Variants in AGO3 observed in about 807,000 individuals in gnomAD.
The protein encoded by AGO3 is protein argonaute-3.
In AGO3, 16 loss-of-function variants were observed where a neutral mutation model predicts 105.5. The ratio of observed to expected loss-of-function variants is 0.15; its 90% CI spans 0.10 to 0.23. The LOEUF (loss-of-function observed/expected upper bound fraction) is 0.23. AGO3 is among the 10% of genes least tolerant of loss of function. AGO3 has a pLI of 1.00. For missense variants in AGO3, 534 were observed against 1,088.0 expected, an observed-to-expected ratio of 0.49 and a Z score of 7.16; for synonymous variants, 340 against 367.3, an observed-to-expected ratio of 0.93 and a Z score of 0.85.
chr1:36,050,951 C>G (rs117965072), intron 17 of AGO3, among the ~76,000 whole-genome samples: 1 of 152,032 alleles, frequency 6.6e-6, no homozygotes, highest in Non-Finnish European at 1.5e-5. Context: ...ATCAGCCTCC[C>G]GAGTAGCTAG....
At chr1:35,974,363 A>G (rs959770088) in intron 5 of AGO3, among the ~76,000 whole-genome samples, 1 of 151,758 alleles carries the variant, frequency 6.6e-6, no homozygotes, top group African/African-American at 2.4e-5. Context: ...CTGTTTTCTT[A>G]TTTCTTTATG....
At chr1:36,029,426 G>A (rs1165775963) in intron 12 of AGO3, among the ~76,000 whole-genome samples, 8 of 127,882 alleles carry the variant, frequency 6.3e-5, no homozygotes, top group Middle Eastern at 4.9e-3. Context: ...AGAGAGTCTC[G>A]CTCTGTCGCC....
At chr1:36,003,709 AATATATAT>A (rs1235994406) in intron 5 of AGO3, among the ~76,000 whole-genome samples, 99 of 99,428 alleles carry the variant, frequency 1.0e-3, no homozygotes, top group Middle Eastern at 0.011. Flanking sequence ...AAAAAAAAAA[AATATATAT>A]ATATATATAT....
intron 14 of AGO3, 109 bp downstream of exon 14, chr1:36,036,376 G>T: frequency 9.6e-7 from 1 of 1,046,904 alleles, no homozygotes; most frequent in East Asian, 2.4e-5. Context: ...TTTCATAAAT[G>T]TTCTTTGGGT....
intron 5 of AGO3, among the ~76,000 whole-genome samples, chr1:35,977,837 C>G (rs1185067518): frequency 6.6e-6 from 1 of 151,594 alleles, no homozygotes; most frequent in South Asian, 2.1e-4. Context: ...TTCAAGCTTT[C>G]AACAATAAGC....
At chr1:36,018,670 A>G (rs1233561959) in intron 11 of AGO3, among the ~76,000 whole-genome samples, 3 of 151,980 alleles carry the variant, frequency 2.0e-5, no homozygotes, top group Non-Finnish European at 2.9e-5. Context: ...TGACCTCGTG[A>G]TTCACCCGCC....
chr1:35,931,478 G>A (rs760543765), intron 1 of AGO3, 33 bp downstream of exon 1: 4 of 1,467,676 alleles, frequency 2.7e-6, no homozygotes, highest in Non-Finnish European at 3.6e-6. Flanking sequence ...GGTAGGGGAT[G>A]TCACCCAGCT....
intron 5 of AGO3, among the ~76,000 whole-genome samples, chr1:35,974,227 A>G (rs1468547089): frequency 6.6e-6 from 1 of 152,164 alleles, no homozygotes; most frequent in African/African-American, 2.4e-5. Flanking sequence ...GTCCACAATC[A>G]GATTTCCCTG....
At position 36,014,043 on chromosome 1, in the gene AGO3, A is replaced by C; in HGVS notation, c.1401A>C (p.Ile467=). 2 of 1,614,148 alleles carry C rather than the reference A, an allele frequency of 1.2e-6. No individual in the cohort carries two copies. Among genetic ancestry groups the C allele is most frequent in the Non-Finnish European group, 1.7e-6 (2 of 1,180,026 alleles). Residue 467 remains isoleucine (I), a synonymous_variant, in exon 11 of 19, where the codon ATA becomes ATC. Transcript: ENST00000373191. ...FATQRQCREE[I]LKGFTDQLRK... Reference sequence around the variant, plus strand: ...CACAGAGGCAGTGCAGAGAAGAAATATTGAAGTAAGACATGTCATTACCTT... The same window carrying C: ...CACAGAGGCAGTGCAGAGAAGAAATCTTGAAGTAAGACATGTCATTACCTT...
chr1:36,043,685 C>G, intron 17 of AGO3, 137 bp downstream of exon 17: 1 of 731,582 alleles, frequency 1.4e-6, no homozygotes, highest in Non-Finnish European at 2.2e-6. Context: ...ATGAAACTTT[C>G]AGTAAACAAA....
intron 11 of AGO3, among the ~76,000 whole-genome samples, chr1:36,019,382 G>A (rs1641092051): frequency 6.6e-6 from 1 of 152,202 alleles, no homozygotes; most frequent in South Asian, 2.1e-4. Context: ...AGGCAATCCA[G>A]ATTATTCAGT....
At chr1:36,033,738 A>G (rs1385807423) in intron 12 of AGO3, among the ~76,000 whole-genome samples, 1 of 152,126 alleles carries the variant, frequency 6.6e-6, no homozygotes, top group Non-Finnish European at 1.5e-5. Flanking sequence ...TCTTTGCGCT[A>G]TAATACCTCT....
At position 36,069,952 on chromosome 1, in the gene AGO3, G is replaced by A. The variant is rs975538355; in HGVS notation, c.*14207G>A. On this transcript the variant is annotated 3_prime_UTR_variant, in exon 19 of 19. Transcript: ENST00000373191. ...GGTGCCTGTAATCCCAGCTACTCGG[G>A]AGGCTAAGGTGGGAGAATTGCTTGG... The A allele has an allele frequency of 6.6e-6, 1 of 152,194 alleles. No individual in the cohort carries two copies. Among genetic ancestry groups the A allele is most frequent in the African/African-American group, 2.4e-5 (1 of 41,446 alleles). 9.4% of individuals were successfully genotyped at this position (152,194 alleles called of 1,614,324 possible).
At chr1:36,034,094 A>G (rs560499931) in intron 12 of AGO3, 80 bp from the exon 13 acceptor site, 1 of 1,332,652 alleles carries the variant, frequency 7.5e-7, no homozygotes, top group East Asian at 2.6e-5. Flanking sequence ...TAAGGGGGAA[A>G]CATAGTAGCT....
At chr1:35,940,265 C>G (rs776413770) in intron 1 of AGO3, among the ~76,000 whole-genome samples, 3 of 152,200 alleles carry the variant, frequency 2.0e-5, no homozygotes, top group South Asian at 4.2e-4. Flanking sequence ...CGGGGTTTCA[C>G]CATGTTGGCC....
At chr1:36,025,276 C>T (rs1641449440) in intron 11 of AGO3, among the ~76,000 whole-genome samples, 1 of 151,916 alleles carries the variant, frequency 6.6e-6, no homozygotes, top group Admixed American at 6.6e-5. Context: ...TCCCAAATCT[C>T]TAAATGGATG....
intron 11 of AGO3, among the ~76,000 whole-genome samples, chr1:36,014,805 G>A (rs947954072): frequency 2.0e-5 from 3 of 150,538 alleles, no homozygotes; most frequent in Non-Finnish European, 2.9e-5. Flanking sequence ...TCAATAGTTC[G>A]GTGAAAAAAT....
At chr1:35,949,123 A>G (rs1441348474) in intron 2 of AGO3, among the ~76,000 whole-genome samples, 1 of 151,988 alleles carries the variant, frequency 6.6e-6, no homozygotes, top group Non-Finnish European at 1.5e-5. Flanking sequence ...TTGTATTATT[A>G]GTAGAGATGA....
chr1:35,943,940 A>G (rs1409264189), intron 1 of AGO3, among the ~76,000 whole-genome samples: 1 of 152,130 alleles, frequency 6.6e-6, no homozygotes, highest in Non-Finnish European at 1.5e-5. Flanking sequence ...AAAGTTAATC[A>G]TGTTTTAGTG....
Sources: allele counts gnomAD v4.1 joint callset (sites outside exome capture counted in the v4.1 genomes callset), GRCh38; gene constraint gnomAD v4.1.1; transcripts MANE v1.5; gene names NCBI Gene and HGNC (gene_info 2026-07-23, HGNC 2026-07-21).